NOL4: variants seen among roughly 807,000 people sequenced by gnomAD.
NOL4 encodes cancer/testis antigen 125.
Under a neutral mutation model 75.9 loss-of-function variants are expected in NOL4, and 17 were observed. The observed-to-expected ratio is 0.22, with a 90% CI of 0.15 to 0.34. NOL4 has a LOEUF of 0.34. NOL4 is among the 10% of genes least tolerant of loss of function. The probability of loss-of-function intolerance (pLI) is 1.00; values close to 1 mark genes in which losing one functional copy is unlikely to be tolerated. For synonymous variants in NOL4, 292 were observed against 289.9 expected (o/e 1.01, Z -0.07); for missense variants, 614 against 793.5 (o/e 0.77, Z 2.72).
intron 5 of NOL4, among the ~76,000 whole-genome samples, chr18:34,075,067 T>C (rs533879933): frequency 3.5e-4 from 53 of 152,300 alleles, no homozygotes; most frequent in Admixed American, 7.2e-4. Context: ...TTTGAAGTGC[T>C]TCCAAGAGTG....
chr18:34,042,881 T>C (rs560098377), intron 5 of NOL4, among the ~76,000 whole-genome samples: 25 of 152,064 alleles, frequency 1.6e-4, no homozygotes, highest in South Asian at 6.2e-4. Context: ...TCGAATCACA[T>C]TGAGGTTAAG....
At chr18:34,057,296 T>C (rs1311524655) in intron 5 of NOL4, among the ~76,000 whole-genome samples, 1 of 152,206 alleles carries the variant, frequency 6.6e-6, no homozygotes, top group African/African-American at 2.4e-5. Context: ...ATATGTACAC[T>C]CACGAGCACA....
In NOL4 at chr18:34,123,532, C is replaced by CATATATATATAT. The variant is rs34954122; in HGVS notation, c.414+6327_414+6338dup. ...GAGATATCATTATATATGTGATAACCATATATATATATATATATATATATA... is the reference window on the plus strand; with the variant it reads ...GAGATATCATTATATATGTGATAACCATATATATATATATATATATATATATATATATATATA... On this transcript the variant is annotated intron_variant, in intron 2 of 10. Coordinates refer to ENST00000261592, the MANE Select transcript of NOL4 (RefSeq NM_003787.5). Among the ~76,000 whole-genome samples the CATATATATATAT allele has an allele frequency of 8.1e-4, 105 of 129,318 alleles. 1 individual carries two copies. Among genetic ancestry groups the CATATATATATAT allele is most frequent in the African/African-American group, 2.6e-3 (92 of 34,946 alleles). 84.8% of individuals were successfully genotyped at this position (129,318 alleles called of 152,430 possible).
chr18:34,221,683 T>C (rs992144587), intron 1 of NOL4: 6 of 190,898 alleles, frequency 3.1e-5, no homozygotes, highest in African/African-American at 1.4e-4. Flanking sequence ...AATTTCTATA[T>C]AAATTCTAAA....
At chr18:34,032,985 A>G (rs1420607903) in intron 5 of NOL4, among the ~76,000 whole-genome samples, 1 of 152,160 alleles carries the variant, frequency 6.6e-6, no homozygotes, top group Non-Finnish European at 1.5e-5. Flanking sequence ...AGACTACACT[A>G]CCGCACACAT....
intron 10 of NOL4, among the ~76,000 whole-genome samples, chr18:33,870,649 C>T (rs2063655344): frequency 6.6e-6 from 1 of 151,814 alleles, no homozygotes; most frequent in East Asian, 1.9e-4. Context: ...GTATGACCTC[C>T]TTCACAATTA....
At chr18:34,205,306 A>T (rs1188067728) in intron 1 of NOL4, among the ~76,000 whole-genome samples, 1 of 152,146 alleles carries the variant, frequency 6.6e-6, no homozygotes, top group Admixed American at 6.6e-5. Flanking sequence ...AGACATGAAA[A>T]GAAAATGTAG....
At chr18:34,076,904 A>G (rs572509629) in intron 5 of NOL4, among the ~76,000 whole-genome samples, 1 of 152,316 alleles carries the variant, frequency 6.6e-6, no homozygotes, top group South Asian at 2.1e-4. Context: ...TCTTTAAATG[A>G]TGAACTCTCT....
At position 34,012,974 on chromosome 18, in the gene NOL4, G is replaced by C. The variant is rs543552973; in HGVS notation, c.1056+6344C>G. 3.2e-4 allele frequency among the ~76,000 whole-genome samples: 49 copies of C among 152,004 alleles called. No individual in the cohort carries two copies. The East Asian group carries it at 9.1e-3, about 28-fold the overall frequency. On this transcript the variant is annotated intron_variant, in intron 6 of 10. Transcript: ENST00000261592. ...ATGGGCTGCAGAGGCAGGTGACCTG[G>C]GTTAAATACCAGGCTTTATCACTTA...
intron 9 of NOL4, among the ~76,000 whole-genome samples, chr18:33,940,311 C>A (rs1455956335): frequency 6.6e-6 from 1 of 151,982 alleles, no homozygotes; most frequent in Admixed American, 6.6e-5. Flanking sequence ...AAATGCCCAT[C>A]AATTATAGAC....
rs1425766508 is a variant in NOL4 at position 34,103,998 on chromosome 18, GC to G, written c.639+48del. The stretch of plus-strand genomic sequence containing the variant: ...TTAATATGATAGTCATGGTTATCAA[GC>G]TTCGTTCCAATTTGTAAGTAATACA... On this transcript the variant is annotated intron_variant, in intron 4 of 10. Coordinates refer to ENST00000261592, the MANE Select transcript of NOL4 (RefSeq NM_003787.5). The G allele has an allele frequency of 3.2e-6, 4 of 1,253,858 alleles. No homozygotes were observed. The African/African-American group carries it at 4.4e-5, about 14-fold the overall frequency. 77.7% of individuals were successfully genotyped at this position (1,253,858 alleles called of 1,614,324 possible).
At chr18:34,097,570 C>T (rs1463168670) in intron 4 of NOL4, among the ~76,000 whole-genome samples, 1 of 152,138 alleles carries the variant, frequency 6.6e-6, no homozygotes, top group East Asian at 1.9e-4. Context: ...AAATACTAGT[C>T]GTATGTGGCT....
At chr18:33,888,809 T>A (rs1265817375) in intron 9 of NOL4, among the ~76,000 whole-genome samples, 1 of 152,134 alleles carries the variant, frequency 6.6e-6, no homozygotes, top group African/African-American at 2.4e-5. Flanking sequence ...CCATGCTGTT[T>A]CGGTTGCTGT....
intron 9 of NOL4, among the ~76,000 whole-genome samples, chr18:33,934,172 G>C (rs1370589949): frequency 6.6e-6 from 1 of 152,002 alleles, no homozygotes; most frequent in South Asian, 2.1e-4. Flanking sequence ...TTCCTGAGCA[G>C]TAGGCCTCAA....
chr18:33,970,039 A>T (rs185089589), intron 6 of NOL4, among the ~76,000 whole-genome samples: 1 of 152,302 alleles, frequency 6.6e-6, no homozygotes, highest in East Asian at 1.9e-4. Context: ...GGACCCATTC[A>T]GTAGGTCTAC....
rs369300159 is a variant in NOL4, at chr18:34,086,230, T to A, written c.772+7235A>T. ...GTGTATGCAAATTAAAAAGTGAGAG[T>A]AAAAACACTATTAGGAACGAATTCA... On this transcript the variant is annotated intron_variant, in intron 5 of 10. Coordinates refer to ENST00000261592, the MANE Select transcript of NOL4 (RefSeq NM_003787.5). Among the ~76,000 whole-genome samples the A allele has an allele frequency of 5.9e-5, 9 of 152,180 alleles. No homozygotes were observed. The South Asian group carries it at 1.7e-3, about 28-fold the overall frequency.
At chr18:33,899,647 T>C (rs2065630153) in intron 9 of NOL4, among the ~76,000 whole-genome samples, 1 of 152,184 alleles carries the variant, frequency 6.6e-6, no homozygotes, top group Non-Finnish European at 1.5e-5. Flanking sequence ...AAAATCTCTA[T>C]GAGTGAATGG....
At chr18:34,140,423 C>T (rs1436296169) in intron 1 of NOL4, among the ~76,000 whole-genome samples, 1 of 152,140 alleles carries the variant, frequency 6.6e-6, no homozygotes, top group East Asian at 1.9e-4. Context: ...GATCCCTTTA[C>T]CATTATGTAA....
chr18:33,960,615 T>G (rs963663505), intron 6 of NOL4, among the ~76,000 whole-genome samples: 1 of 152,102 alleles, frequency 6.6e-6, no homozygotes, highest in Non-Finnish European at 1.5e-5. Context: ...CAACAAAGTA[T>G]TTATGGGCAG....
Sources: allele counts gnomAD v4.1 joint callset (sites outside exome capture counted in the v4.1 genomes callset), GRCh38; gene constraint gnomAD v4.1.1; transcripts MANE v1.5; gene names NCBI Gene and HGNC (gene_info 2026-07-23, HGNC 2026-07-21).